Variants in KCNQ1OT1 observed in about 807,000 individuals in gnomAD.
KCNQ1OT1 encodes the protein KCNQ1 antisense RNA 2 (non-protein coding).
chr11:2,668,846 G>A lies in KCNQ1OT1; in HGVS notation n.31149C>T. 1 of 398,610 alleles carries A rather than the reference G, an allele frequency of 2.5e-6. No homozygotes were observed. Among genetic ancestry groups the A allele is most frequent in the Non-Finnish European group, 4.4e-6 (1 of 226,064 alleles). The allele number at this position is 398,610 out of a possible 1,614,324, so 24.7% of individuals were successfully genotyped here. A position where few individuals can be genotyped will look rare whatever the true frequency, so the allele number is the denominator to read the frequency against. ...AAACATTTCCTCTCTGGATAGGGCT[G>A]TTTGTGTCCTATTTAAGAAACTTTG... On this transcript the variant is annotated non_coding_transcript_exon_variant, in exon 1 of 1. Coordinates refer to ENST00000597346, the Ensembl canonical transcript of KCNQ1OT1. The surrounding 1 kb of genome is among the most constrained non-coding windows in gnomAD (Gnocchi z 4.3).
Position 2,652,882 on chromosome 11 carries a change from G to A in KCNQ1OT1, n.47113C>T. On this transcript the variant is annotated non_coding_transcript_exon_variant, in exon 1 of 1. Transcript: ENST00000597346. This position sits in a 1 kb window ranked among gnomAD's most constrained non-coding sequence, Gnocchi z 5.9. ...TACTTATTCTAAGGAGAAGTGTTTGGGGTGTGGGGTGTGGTCCTCAGTATC... is the reference window on the plus strand; with the variant it reads ...TACTTATTCTAAGGAGAAGTGTTTGAGGTGTGGGGTGTGGTCCTCAGTATC... 2.5e-6 allele frequency: 1 copy of A among 398,634 alleles called. No individual in the cohort carries two copies. Among genetic ancestry groups the A allele is most frequent in the African/African-American group, 2.1e-5 (1 of 48,730 alleles). 24.7% of individuals were successfully genotyped at this position (398,634 alleles called of 1,614,324 possible). A position where few individuals can be genotyped will look rare whatever the true frequency, so the allele number is the denominator to read the frequency against.
At position 2,654,605 on chromosome 11, in the gene KCNQ1OT1, G is replaced by A. The variant is rs912134725; in HGVS notation, n.45390C>T. 2 of 398,726 alleles carry A rather than the reference G, an allele frequency of 5.0e-6. No homozygotes were observed. Among genetic ancestry groups the A allele is most frequent in the East Asian group, 3.6e-5 (1 of 28,094 alleles). 24.7% of individuals were successfully genotyped at this position (398,726 alleles called of 1,614,324 possible). On this transcript the variant is annotated non_coding_transcript_exon_variant, in exon 1 of 1. Transcript: ENST00000597346. This position sits in a 1 kb window ranked among gnomAD's most constrained non-coding sequence, Gnocchi z 6.4. Reference sequence around the variant, plus strand: ...GGAAGGGCAGGGGGTGAGTGGTTGGGTGAAGTTACTAGGAAGGGCCCAGAC... The same window carrying A: ...GGAAGGGCAGGGGGTGAGTGGTTGGATGAAGTTACTAGGAAGGGCCCAGAC...
At chr11:2,694,382 T>C (rs1850638502) in exon 1 of KCNQ1OT1, 1 of 398,654 alleles carries the variant, frequency 2.5e-6, no homozygotes, top group East Asian at 3.6e-5. Flanking sequence ...CTATCATGAC[T>C]ATGGGAGAAT....
At chr11:2,609,902 A>G (rs984186010) in exon 1 of KCNQ1OT1, 8 of 397,966 alleles carry the variant, frequency 2.0e-5, no homozygotes, top group Admixed American at 4.4e-5. Context: ...GTTGGCATTT[A>G]TCATCTAAAG....
chr11:2,641,163 T>G (rs1471367657), exon 1 of KCNQ1OT1: 1 of 398,406 alleles, frequency 2.5e-6, no homozygotes, highest in Non-Finnish European at 4.4e-6. Context: ...TACTGATATC[T>G]TTTCCTTTAG....
chr11:2,676,835 G>T lies in KCNQ1OT1; in HGVS notation n.23160C>A, dbSNP rs1353750150. The T allele has an allele frequency of 1.5e-5, 6 of 398,580 alleles. No homozygotes were observed. The allele number at this position is 398,580 out of a possible 1,614,324, so 24.7% of individuals were successfully genotyped here. On this transcript the variant is annotated non_coding_transcript_exon_variant, in exon 1 of 1. Coordinates refer to ENST00000597346, the Ensembl canonical transcript of KCNQ1OT1. This position sits in a 1 kb window ranked among gnomAD's most constrained non-coding sequence, Gnocchi z 4.2. ...TGGGATCTACCACAGGGGTCATGTT[G>T]TAATGACACCTGTCAGCTTTGACTG...
At chr11:2,644,289 T>C (rs1347867594) in exon 1 of KCNQ1OT1, 9 of 398,360 alleles carry the variant, frequency 2.3e-5, no homozygotes, top group Admixed American at 8.8e-5. Flanking sequence ...TTTTTCTATA[T>C]TTTTGTCTGA....
chr11:2,641,110 A>G lies in KCNQ1OT1; in HGVS notation n.58885T>C, dbSNP rs755028109. 9.4e-4 allele frequency: 374 copies of G among 398,392 alleles called. 1 individual carries two copies. Among genetic ancestry groups the G allele is most frequent in the Middle Eastern group, 1.9e-3 (3 of 1,608 alleles). 24.7% of individuals were successfully genotyped at this position (398,392 alleles called of 1,614,324 possible). A position where few individuals can be genotyped will look rare whatever the true frequency, so the allele number is the denominator to read the frequency against. The stretch of plus-strand genomic sequence containing the variant: ...TGAGTCCATATCTTTGCTGTTGTGA[A>G]TAGTGCTGCAATAAACACGGGGATG... On this transcript the variant is annotated non_coding_transcript_exon_variant, in exon 1 of 1. Transcript: ENST00000597346.
At chr11:2,655,837 C>T in exon 1 of KCNQ1OT1, 1 of 398,686 alleles carries the variant, frequency 2.5e-6, no homozygotes, top group Non-Finnish European at 4.4e-6. Context: ...AGACAATAAC[C>T]TCTCCTCTTG....
exon 1 of KCNQ1OT1, chr11:2,680,122 C>T (rs1482738571): frequency 7.6e-6 from 3 of 395,868 alleles, no homozygotes; most frequent in African/African-American, 4.2e-5. Context: ...AAACTCCTGA[C>T]CTCAAGTGAT....
Position 2,652,021 on chromosome 11 carries a change from TC to T in KCNQ1OT1, n.47973del. The T allele has an allele frequency of 2.5e-6, 1 of 398,570 alleles. No homozygotes were observed. Among genetic ancestry groups the T allele is most frequent in the East Asian group, 3.6e-5 (1 of 28,064 alleles). The allele number at this position is 398,570 out of a possible 1,614,324, so 24.7% of individuals were successfully genotyped here. ...GTTAACATAATTTTGATGTTGAGCC[TC>T]CCCCCAGTTCTGGGGTGGCTCTGAC... On this transcript the variant is annotated non_coding_transcript_exon_variant, in exon 1 of 1. Transcript: ENST00000597346. The surrounding 1 kb of genome is among the most constrained non-coding windows in gnomAD (Gnocchi z 5.9).
Position 2,647,760 on chromosome 11 carries a change from G to C in KCNQ1OT1, n.52235C>G. The stretch of plus-strand genomic sequence containing the variant: ...TCCAGGAATTTATCTCTTTCCTCTA[G>C]GTTTTCTAATTGTTGACATATAGTT... On this transcript the variant is annotated non_coding_transcript_exon_variant, in exon 1 of 1. Coordinates refer to ENST00000597346, the Ensembl canonical transcript of KCNQ1OT1. This position sits in a 1 kb window ranked among gnomAD's most constrained non-coding sequence, Gnocchi z 4.0. 1 of 398,054 alleles carries C rather than the reference G, an allele frequency of 2.5e-6. No homozygotes were observed. The highest frequency in any genetic ancestry group is 4.4e-6 in the Non-Finnish European group (1 of 225,968). 24.7% of individuals were successfully genotyped at this position (398,054 alleles called of 1,614,324 possible).
rs1850422609 is a variant in KCNQ1OT1 at position 2,682,885 on chromosome 11, G to A, written n.17110C>T. The A allele has an allele frequency of 5.0e-6, 2 of 398,622 alleles. No homozygotes were observed. The highest frequency in any genetic ancestry group is 6.3e-4 in the Middle Eastern group (1 of 1,588). 24.7% of individuals were successfully genotyped at this position (398,622 alleles called of 1,614,324 possible). A position where few individuals can be genotyped will look rare whatever the true frequency, so the allele number is the denominator to read the frequency against. The stretch of plus-strand genomic sequence containing the variant: ...AGGAAACTGAGGCTTGGGGATAGCA[G>A]ATGTTCCCAGACAGAAAATGGTGGC... On this transcript the variant is annotated non_coding_transcript_exon_variant, in exon 1 of 1. Transcript: ENST00000597346. This position sits in a 1 kb window ranked among gnomAD's most constrained non-coding sequence, Gnocchi z 5.8.
rs1850025121 is a variant in KCNQ1OT1, at chr11:2,664,391, C to G, written n.35604G>C. The G allele has an allele frequency of 7.5e-6, 3 of 398,630 alleles. No homozygotes were observed. Among genetic ancestry groups the G allele is most frequent in the Non-Finnish European group, 1.3e-5 (3 of 226,184 alleles). The allele number at this position is 398,630 out of a possible 1,614,324, so 24.7% of individuals were successfully genotyped here. A position where few individuals can be genotyped will look rare whatever the true frequency, so the allele number is the denominator to read the frequency against. On this transcript the variant is annotated non_coding_transcript_exon_variant, in exon 1 of 1. Coordinates refer to ENST00000597346, the Ensembl canonical transcript of KCNQ1OT1. The surrounding 1 kb of genome is among the most constrained non-coding windows in gnomAD (Gnocchi z 5.1). Reference sequence around the variant, plus strand: ...TCAGGGTACGGTCCCTCCAGAGAGGCCTGAAGGGGAGAGTGGGCACGTACA... The same window carrying G: ...TCAGGGTACGGTCCCTCCAGAGAGGGCTGAAGGGGAGAGTGGGCACGTACA...
chr11:2,608,938 C>G lies in KCNQ1OT1; in HGVS notation n.91057G>C. On this transcript the variant is annotated non_coding_transcript_exon_variant, in exon 1 of 1. Transcript: ENST00000597346. The surrounding 1 kb of genome is among the most constrained non-coding windows in gnomAD (Gnocchi z 4.6). The stretch of plus-strand genomic sequence containing the variant: ...TCCCCTTCTTTTCTTCTCCCTCTCC[C>G]TCTCTCTTACCAATCTATCAAAGGT... 1 of 398,436 alleles carries G rather than the reference C, an allele frequency of 2.5e-6. No individual in the cohort carries two copies. Among genetic ancestry groups the G allele is most frequent in the Admixed American group, 4.4e-5 (1 of 22,718 alleles). 24.7% of individuals were successfully genotyped at this position (398,436 alleles called of 1,614,324 possible).
rs1410052421 is a variant in KCNQ1OT1, at chr11:2,657,623, A to G, written n.42372T>C. On this transcript the variant is annotated non_coding_transcript_exon_variant, in exon 1 of 1. Transcript: ENST00000597346. The surrounding 1 kb of genome is among the most constrained non-coding windows in gnomAD (Gnocchi z 4.8). ...ACTAAAAAATTAACATTGGTACACTATTAAGCTAGAGTTATAAATTTATTT... is the reference window on the plus strand; with the variant it reads ...ACTAAAAAATTAACATTGGTACACTGTTAAGCTAGAGTTATAAATTTATTT... 1 of 398,506 alleles carries G rather than the reference A, an allele frequency of 2.5e-6. No individual in the cohort carries two copies. The highest frequency in any genetic ancestry group is 4.4e-6 in the Non-Finnish European group (1 of 226,070). The allele number at this position is 398,506 out of a possible 1,614,324, so 24.7% of individuals were successfully genotyped here.
chr11:2,697,600 A>G (rs1850699904), exon 1 of KCNQ1OT1: 1 of 398,448 alleles, frequency 2.5e-6, no homozygotes, highest in Non-Finnish European at 4.4e-6. Context: ...ACTTTATCAC[A>G]TCATTTTTTT....
At chr11:2,646,345 G>T (rs892126585) in exon 1 of KCNQ1OT1, 1 of 398,532 alleles carries the variant, frequency 2.5e-6, no homozygotes, top group Non-Finnish European at 4.4e-6. Context: ...AGCATGGGAT[G>T]TCTCAAAAAA....
At chr11:2,615,894 G>C (rs1463154533) in exon 1 of KCNQ1OT1, 2 of 398,020 alleles carry the variant, frequency 5.0e-6, no homozygotes, top group Non-Finnish European at 8.9e-6. Flanking sequence ...GTATTGCAAA[G>C]TTTTTTCTCC....
Sources: allele counts gnomAD v4.1 joint callset, GRCh38; gene constraint gnomAD v4.1.1; non-coding constraint Gnocchi (gnomAD v3.1); transcripts MANE v1.5; gene names NCBI Gene and HGNC (gene_info 2026-07-23, HGNC 2026-07-21).